Variants in RBFOX1 observed in about 807,000 individuals in gnomAD.
RBFOX1 encodes the protein RNA binding protein fox-1 homolog 1.
In RBFOX1, 8 loss-of-function variants were observed where a neutral mutation model predicts 57.7. That is an observed-to-expected ratio of 0.14 (90% CI 0.08 to 0.25). The LOEUF (loss-of-function observed/expected upper bound fraction) is 0.25. RBFOX1 is among the 10% of genes least tolerant of loss of function. The pLI, the probability that RBFOX1 is intolerant of heterozygous loss-of-function variation, is 1.00. For missense variants in RBFOX1, 611 were observed against 548.5 expected, an observed-to-expected ratio of 1.11 and a Z score of -1.14; for synonymous variants, 326 against 222.4, an observed-to-expected ratio of 1.47 and a Z score of -4.15.
chr16:6,824,982 G>GTTTTTTT (rs2091912007), intron 3 of RBFOX1, among the ~76,000 whole-genome samples: 1 of 38,384 alleles, frequency 2.6e-5, no homozygotes. Context: ...TTTCTTTCTT[G>GTTTTTTT]GTTTTTTTTT....
At chr16:5,253,306 C>A (rs757933035) in intron 1 of RBFOX1, among the ~76,000 whole-genome samples, 1 of 152,132 alleles carries the variant, frequency 6.6e-6, no homozygotes, top group Admixed American at 6.5e-5. Flanking sequence ...CCCACAACCA[C>A]ACCCAGCTAA....
chr16:5,903,172 G>C (rs980469898), intron 4 of RBFOX1, among the ~76,000 whole-genome samples: 9 of 152,036 alleles, frequency 5.9e-5, no homozygotes, highest in African/African-American at 2.2e-4. Context: ...AATATGTTCT[G>C]CACTGGAAAA....
At chr16:5,368,782 C>T (rs2065788661) in intron 1 of RBFOX1, among the ~76,000 whole-genome samples, 1 of 152,236 alleles carries the variant, frequency 6.6e-6, no homozygotes, top group South Asian at 2.1e-4. Flanking sequence ...TTCCCTTTAA[C>T]TCCAATCCAG....
rs148655309 is a variant in RBFOX1, at chr16:6,076,265, C to T, written c.-127+56273C>T. On this transcript the variant is annotated intron_variant, in intron 1 of 15. Transcript: ENST00000550418. ...AGTGAGCCGAGATTGTGCCATTCCA[C>T]TCCAGCCTGGGCAACAAGAGCAAAA... 4.4e-3 allele frequency among the ~76,000 whole-genome samples: 667 copies of T among 151,610 alleles called. 6 individuals are homozygous for T. The highest frequency in any genetic ancestry group is 0.015 in the African/African-American group (623 of 41,336).
intron 1 of RBFOX1, among the ~76,000 whole-genome samples, chr16:5,298,093 A>G (rs2063712334): frequency 6.6e-6 from 1 of 152,250 alleles, no homozygotes; most frequent in Non-Finnish European, 1.5e-5. Context: ...TAAGTAAAAG[A>G]TGTGATAACC....
At chr16:5,291,003 T>C (rs553022933) in intron 1 of RBFOX1, among the ~76,000 whole-genome samples, 2 of 152,168 alleles carry the variant, frequency 1.3e-5, no homozygotes, top group African/African-American at 4.8e-5. Flanking sequence ...CTCAGCCAGA[T>C]TTAAGGGACT....
At chr16:7,133,080 G>C (rs1567390368) in intron 4 of RBFOX1, among the ~76,000 whole-genome samples, 1 of 152,028 alleles carries the variant, frequency 6.6e-6, no homozygotes, top group Non-Finnish European at 1.5e-5. Flanking sequence ...CCTTATTATG[G>C]CAAAACTATT....
intron 3 of RBFOX1, among the ~76,000 whole-genome samples, chr16:6,942,267 G>T (rs2078672765): frequency 6.6e-6 from 1 of 152,046 alleles, no homozygotes; most frequent in Non-Finnish European, 1.5e-5. Context: ...CTGACCGAGT[G>T]AGACTCCATC....
intron 4 of RBFOX1, among the ~76,000 whole-genome samples, chr16:7,322,079 G>T (rs546036782): frequency 6.6e-6 from 1 of 152,188 alleles, no homozygotes; most frequent in African/African-American, 2.4e-5. Flanking sequence ...GCTGTATTTG[G>T]TGGGTTCCCA....
intron 2 of RBFOX1, among the ~76,000 whole-genome samples, chr16:6,585,460 C>CT (rs2097595574): frequency 6.6e-6 from 1 of 152,146 alleles, no homozygotes; most frequent in African/African-American, 2.4e-5. Flanking sequence ...TGAATAGAAC[C>CT]TTAGATCCCC....
chr16:7,607,912 C>T (rs1362354861), intron 10 of RBFOX1, among the ~76,000 whole-genome samples: 1 of 152,202 alleles, frequency 6.6e-6, no homozygotes, highest in Non-Finnish European at 1.5e-5. Context: ...CACCCCTTCC[C>T]TGCCTAAGCA....
chr16:6,421,825 T>TGC (rs1452394905), intron 2 of RBFOX1, among the ~76,000 whole-genome samples: 5 of 151,890 alleles, frequency 3.3e-5, no homozygotes, highest in Non-Finnish European at 5.9e-5. Flanking sequence ...GACTCCGTCT[T>TGC]ATGCTAAAAG....
At chr16:6,965,298 A>G (rs1598561944) in intron 3 of RBFOX1, among the ~76,000 whole-genome samples, 1 of 148,584 alleles carries the variant, frequency 6.7e-6, no homozygotes, top group Admixed American at 6.7e-5. Flanking sequence ...AACAAATCCA[A>G]TTTCCTTTTT....
intron 2 of RBFOX1, among the ~76,000 whole-genome samples, chr16:5,539,419 C>A (rs758528966): frequency 6.6e-6 from 1 of 151,782 alleles, no homozygotes; most frequent in East Asian, 1.9e-4. Context: ...ATGACAAAAC[C>A]CTGTCTCTAC....
exon 1 of RBFOX1, chr16:5,239,879 C>G (rs929250184): frequency 1.2e-5 from 17 of 1,431,470 alleles, no homozygotes; most frequent in Middle Eastern, 2.4e-4. Flanking sequence ...GGCAGAGCCC[C>G]CGGAGCCATG....
At chr16:7,138,497 C>T (rs1167308341) in intron 4 of RBFOX1, among the ~76,000 whole-genome samples, 1 of 152,174 alleles carries the variant, frequency 6.6e-6, no homozygotes, top group Non-Finnish European at 1.5e-5. Context: ...GCATGCACAT[C>T]TCTGCCCACA....
chr16:7,332,647 A>G (rs1476889185), intron 4 of RBFOX1: 1 of 509,254 alleles, frequency 2.0e-6, no homozygotes, highest in Non-Finnish European at 2.7e-6. Flanking sequence ...TCCCTCTGTC[A>G]CTTGGTCTCT....
rs568687946 is a variant in RBFOX1, at chr16:5,687,360, C to G, written c.318+88399C>G. 2.5e-3 allele frequency among the ~76,000 whole-genome samples: 379 copies of G among 152,128 alleles called. 1 individual carries two copies. The highest frequency in any genetic ancestry group is 5.0e-3 in the Admixed American group (77 of 15,270). On this transcript the variant is annotated intron_variant, in intron 3 of 19. Coordinates refer to the RBFOX1 transcript ENST00000641259. Reference sequence around the variant, plus strand: ...AGTCGCCTGCTTACCACTCCCTCCCCACCAATTAGTGGGTAGCCAACTTTG... The same window carrying G: ...AGTCGCCTGCTTACCACTCCCTCCCGACCAATTAGTGGGTAGCCAACTTTG...
intron 4 of RBFOX1, among the ~76,000 whole-genome samples, chr16:7,386,119 A>C (rs1303123053): frequency 6.6e-6 from 1 of 151,970 alleles, no homozygotes. Flanking sequence ...ACGCTAAACA[A>C]GGCATGGTGA....
Sources: gnomAD v4.1 joint callset for allele counts (sites outside exome capture counted in the v4.1 genomes callset) on GRCh38, gnomAD v4.1.1 for gene constraint, MANE v1.5 for transcripts, NCBI Gene and HGNC (gene_info 2026-07-23, HGNC 2026-07-21) for gene names.